SPG11: variants seen among roughly 807,000 people sequenced by gnomAD.
The protein encoded by SPG11 is SPG11 vesicle trafficking associated, spatacsin, also known as spatacsin.
SPG11 carries 222 observed loss-of-function variants against 274.0 expected under a neutral mutation model. The ratio of observed to expected loss-of-function variants is 0.81; its 90% CI spans 0.73 to 0.91. SPG11 has a LOEUF of 0.91. Among genes scored for constraint, SPG11 ranks in the 40% least tolerant of loss-of-function variants. The pLI, the probability that SPG11 is intolerant of heterozygous loss-of-function variation, is 0.00. For synonymous variants in SPG11, 1,144 were observed against 1,039.7 expected, an observed-to-expected ratio of 1.10 and a Z score of -1.93; for missense variants, 3,114 against 2,872.7, an observed-to-expected ratio of 1.08 and a Z score of -1.92.
At chr15:44,585,524 C>T in intron 29 of SPG11, 112 bp downstream of exon 29, 2 of 833,778 alleles carry the variant, frequency 2.4e-6, no homozygotes, top group Non-Finnish European at 3.8e-6. Flanking sequence ...ATTGCATGAA[C>T]CCGAGAGGCG....
At chr15:44,643,113 C>G (rs2084502565) in intron 7 of SPG11, among the ~76,000 whole-genome samples, 1 of 152,156 alleles carries the variant, frequency 6.6e-6, no homozygotes, top group South Asian at 2.1e-4. Context: ...CAATGCAATA[C>G]TAATTAAATT....
chr15:44,567,303 A>G, intron 36 of SPG11, 121 bp downstream of exon 36: 6 of 1,061,102 alleles, frequency 5.7e-6, no homozygotes, highest in Non-Finnish European at 8.2e-6. Context: ...GGGAGCTGAG[A>G]TCGTGCCACT....
chr15:44,633,396 C>CT (rs1299801146), intron 8 of SPG11, 109 bp downstream of exon 8: 1 of 303,932 alleles, frequency 3.3e-6, no homozygotes, highest in Admixed American at 6.0e-5. Flanking sequence ...AATCCCATGA[C>CT]TAAGTTTTGG....
chr15:44,573,466 T>C, intron 32 of SPG11, 81 bp downstream of exon 32: 1 of 1,467,482 alleles, frequency 6.8e-7, no homozygotes, highest in Non-Finnish European at 9.5e-7. Context: ...AGGATGTATA[T>C]AAGCACAACA....
chr15:44,657,348 T>C (rs746557404), intron 3 of SPG11, 52 bp from the exon 4 acceptor site: 18 of 1,535,186 alleles, frequency 1.2e-5, no homozygotes, highest in East Asian at 2.2e-5. Flanking sequence ...TGCCTAACTA[T>C]TTAAAGCACA....
In SPG11 at chr15:44,657,247, T is replaced by C; in HGVS notation, c.717A>G (p.Ala239=). The change falls in exon 4 of 40, where the codon GCA becomes GCG. Residue 239 remains alanine, a synonymous_variant. Coordinates refer to ENST00000261866, the MANE Select transcript of SPG11 (RefSeq NM_025137.4). The part of the protein sequence containing the change: ...DGTYVAHVDL[A]LHKEDMCNEQ... ...CATTACACATGTCTTCTTTGTGAAG[T>C]GCTAAATCCACATGAGCTACATATG... 6.2e-7 allele frequency: 1 copy of C among 1,614,216 alleles called. No individual in the cohort carries two copies. Among genetic ancestry groups the C allele is most frequent in the Non-Finnish European group, 8.5e-7 (1 of 1,180,040 alleles).
At chr15:44,622,616 G>C in intron 12 of SPG11, 112 bp downstream of exon 12, 1 of 911,184 alleles carries the variant, frequency 1.1e-6, no homozygotes. Context: ...TTACTTATTA[G>C]ATATTAGTTG....
rs2082711578 is a variant in SPG11 at position 44,584,241 on chromosome 15, T to G, written c.5439A>C (p.Arg1813Ser). Residue 1813 changes from arginine to serine, a missense_variant, in exon 30 of 40, where the codon AGA becomes AGC. By Grantham distance (110) the Arg-to-Ser change is moderately radical. Transcript: ENST00000261866. The part of the protein sequence containing the change: ...LCRITQHTLG[R>S]NQEETEPRFS... ...ATCTGGGCTCTGTTTCCTCCTGATTTCTTCCAAGAGTGTGCTGGGTGATGC... is the reference window on the plus strand; with the variant it reads ...ATCTGGGCTCTGTTTCCTCCTGATTGCTTCCAAGAGTGTGCTGGGTGATGC... The G allele has an allele frequency of 6.2e-7, 1 of 1,614,226 alleles. No homozygotes were observed.
chr15:44,575,746 C>T (rs961252427), intron 30 of SPG11, among the ~76,000 whole-genome samples: 16 of 152,134 alleles, frequency 1.1e-4, no homozygotes, highest in African/African-American at 3.6e-4. Context: ...GCATTTGCCT[C>T]GACTTCCAAA....
intron 6 of SPG11, among the ~76,000 whole-genome samples, chr15:44,650,936 CA>C (rs2084755295): frequency 6.6e-6 from 1 of 152,136 alleles, no homozygotes; most frequent in African/African-American, 2.4e-5. Flanking sequence ...TTAGTAGAGA[CA>C]GGGTTTCACC....
Position 44,657,159 on chromosome 15 carries a change from C to T in SPG11, c.805G>A (p.Asp269Asn), listed in dbSNP as rs759231633. The T allele has an allele frequency of 2.1e-5, 34 of 1,614,034 alleles. No homozygotes were observed. The East Asian group carries it at 6.2e-4, about 30-fold the overall frequency. ...FTSLKVSQDL[D>N]VAVIVSSSNS... ...GAGGAGCTGACAATCACTGCAACAT[C>T]GAGGTCTTGAGAAACTTTCAGTGAA... The change falls in exon 4 of 40, where the codon GAT (aspartate) becomes AAT (asparagine). Residue 269 changes from aspartate to asparagine, a missense_variant. Asp to Asn is a conservative substitution (Grantham distance 23). Transcript: ENST00000261866.
rs2082715392 is a variant in SPG11 at position 44,584,389 on chromosome 15, G to GT, written c.5290dup (p.Thr1764AsnfsTer30). 1.9e-6 allele frequency: 3 copies of GT among 1,613,868 alleles called. No individual in the cohort carries two copies. Among genetic ancestry groups the GT allele is most frequent in the Non-Finnish European group, 1.7e-6 (2 of 1,179,908 alleles). ...GCGCTCCTCCATGCTGCTCCATCCA[G>GT]TTGGGTGCTCACATGCCACATGGGC... is the stretch of plus-strand genomic sequence containing the variant. On this transcript the variant is annotated frameshift_variant, in exon 30 of 40. Transcript: ENST00000261866. LOFTEE classifies it high-confidence loss of function.
Position 44,657,989 on chromosome 15 carries a change from T to C in SPG11, c.668-693A>G, listed in dbSNP as rs531340583. ...TTGCAGTGAGCCGAGATCACGCCACTGCACTCCAGCCTGGGTGAGAGTGAG... is the reference window on the plus strand; with the variant it reads ...TTGCAGTGAGCCGAGATCACGCCACCGCACTCCAGCCTGGGTGAGAGTGAG... On this transcript the variant is annotated intron_variant, in intron 3 of 39. Transcript: ENST00000261866. Among the ~76,000 whole-genome samples the C allele has an allele frequency of 2.0e-3, 304 of 152,304 alleles. 2 individuals are homozygous for C. Among genetic ancestry groups the C allele is most frequent in the Middle Eastern group, 3.4e-3 (1 of 294 alleles).
At chr15:44,632,641 T>C (rs933920812) in intron 8 of SPG11, among the ~76,000 whole-genome samples, 1 of 151,892 alleles carries the variant, frequency 6.6e-6, no homozygotes, top group Non-Finnish European at 1.5e-5. Context: ...TTCCAAGTAG[T>C]TGGGACTATG....
chr15:44,619,651 T>C (rs2083684941), intron 15 of SPG11, among the ~76,000 whole-genome samples: 1 of 152,110 alleles, frequency 6.6e-6, no homozygotes, highest in African/African-American at 2.4e-5. Flanking sequence ...GTGCATAAAA[T>C]GTTTTGGGAG....
chr15:44,566,061 C>T (rs2082302231), intron 37 of SPG11, 52 bp from the exon 38 acceptor site: 1 of 1,608,446 alleles, frequency 6.2e-7, no homozygotes, highest in Non-Finnish European at 8.5e-7. Context: ...GTTGTCACCT[C>T]CTGTGTGAAC....
chr15:44,635,538 T>G (rs1855320203), intron 7 of SPG11, among the ~76,000 whole-genome samples: 1 of 141,710 alleles, frequency 7.1e-6, no homozygotes, highest in South Asian at 2.2e-4. Flanking sequence ...CCCAAGAAGT[T>G]GAGGCTGCAG....
chr15:44,615,355 G>C lies in SPG11; in HGVS notation c.3038+8C>G, dbSNP rs1054446505. The C allele has an allele frequency of 1.2e-6, 2 of 1,612,568 alleles. No individual in the cohort carries two copies. The highest frequency in any genetic ancestry group is 1.7e-5 in the Admixed American group (1 of 60,018). On this transcript the variant is annotated splice_region_variant and intron_variant, in intron 16 of 39. Transcript: ENST00000261866. ...CTGCTCAAGGACAAATGCATTCTCA[G>C]TACTCACTTGTAACAGTCAAGGTAG...
chr15:44,591,071 A>G (rs1013943281), intron 27 of SPG11: 1 of 152,212 alleles, frequency 6.6e-6, no homozygotes, highest in African/African-American at 2.4e-5. Context: ...TGTCTTTCCT[A>G]TGCCCTATGT....
Sources: gnomAD v4.1 joint callset for allele counts (sites outside exome capture counted in the v4.1 genomes callset) on GRCh38, gnomAD v4.1.1 for gene constraint, MANE v1.5 for transcripts, NCBI Gene and HGNC (gene_info 2026-07-23, HGNC 2026-07-21) for gene names.